Variants in PEBP4 observed in about 807,000 individuals in gnomAD.
The protein encoded by PEBP4 is phosphatidylethanolamine-binding protein 4.
PEBP4 carries 22 observed loss-of-function variants against 23.9 expected under a neutral mutation model. That is an observed-to-expected ratio of 0.92 (90% CI 0.66 to 1.31). The LOEUF (loss-of-function observed/expected upper bound fraction) is 1.31, where lower values mean the gene tolerates loss of function less well. PEBP4 is among the 40% of genes most tolerant of loss of function. PEBP4 has a pLI of 0.00. For missense variants in PEBP4, 324 were observed against 281.7 expected, an observed-to-expected ratio of 1.15 and a Z score of -1.07; for synonymous variants, 112 against 99.3, an observed-to-expected ratio of 1.13 and a Z score of -0.76.
chr8:22,843,110 G>A (rs780577675), intron 3 of PEBP4, among the ~76,000 whole-genome samples: 11 of 151,388 alleles, frequency 7.3e-5, no homozygotes, highest in Non-Finnish European at 1.3e-4. Context: ...TTACAGGTGC[G>A]TGCCACCATG....
At chr8:22,805,733 T>C (rs1585282714) in intron 4 of PEBP4, among the ~76,000 whole-genome samples, 2 of 152,224 alleles carry the variant, frequency 1.3e-5, no homozygotes, top group Non-Finnish European at 2.9e-5. Flanking sequence ...GGAAATACTG[T>C]GTACTCTGCT....
chr8:22,803,656 T>G (rs1469115677), intron 4 of PEBP4, among the ~76,000 whole-genome samples: 9 of 151,576 alleles, frequency 5.9e-5, no homozygotes, highest in African/African-American at 2.2e-4. Context: ...AGAGCAAGAC[T>G]CCAACTAAAA....
At chr8:22,891,448 C>A (rs1343045350) in intron 3 of PEBP4, among the ~76,000 whole-genome samples, 2 of 152,160 alleles carry the variant, frequency 1.3e-5, no homozygotes, top group Admixed American at 1.3e-4. Context: ...TTCATTTTGG[C>A]CTCTTGGGCT....
At chr8:22,724,594 C>T (rs1195803671) in intron 6 of PEBP4, among the ~76,000 whole-genome samples, 2 of 152,176 alleles carry the variant, frequency 1.3e-5, no homozygotes, top group Non-Finnish European at 2.9e-5. Context: ...CCCTGCCTTA[C>T]ATACCAACCC....
At chr8:22,814,970 T>G (rs1460770038) in intron 4 of PEBP4, 4 of 151,824 alleles carry the variant, frequency 2.6e-5, no homozygotes, top group Non-Finnish European at 5.9e-5. Flanking sequence ...GTGGAGTTGA[T>G]GGGAGAGATG....
chr8:22,860,395 C>G (rs1026972944), intron 3 of PEBP4, among the ~76,000 whole-genome samples: 26 of 152,044 alleles, frequency 1.7e-4, no homozygotes, highest in African/African-American at 5.8e-4. Flanking sequence ...TCTTCCCTCT[C>G]CCCCCAGCTC....
At chr8:22,925,304 G>T in intron 2 of PEBP4, 1 of 985,376 alleles carries the variant, frequency 1.0e-6, no homozygotes, top group Non-Finnish European at 1.2e-6. Context: ...CTGAGAATGG[G>T]CCCCCTTGAC....
intron 3 of PEBP4, among the ~76,000 whole-genome samples, chr8:22,872,483 G>C (rs1156390263): frequency 3.9e-5 from 6 of 152,342 alleles, no homozygotes; most frequent in African/African-American, 1.4e-4. Context: ...GACTTGCCAG[G>C]GCCATGTGTG....
intron 4 of PEBP4, among the ~76,000 whole-genome samples, chr8:22,764,314 A>G (rs1217205658): frequency 2.0e-5 from 3 of 152,140 alleles, no homozygotes; most frequent in African/African-American, 4.8e-5. Context: ...TTCTCTCCCA[A>G]TGCTGATCTC....
At chr8:22,755,129 G>A (rs1411591500) in intron 4 of PEBP4, among the ~76,000 whole-genome samples, 2 of 152,176 alleles carry the variant, frequency 1.3e-5, no homozygotes, top group Non-Finnish European at 2.9e-5. Flanking sequence ...TGCTATAACG[G>A]TGACTCTTCT....
intron 3 of PEBP4, among the ~76,000 whole-genome samples, chr8:22,827,692 A>G (rs1410625773): frequency 6.6e-6 from 1 of 152,242 alleles, no homozygotes; most frequent in Non-Finnish European, 1.5e-5. Context: ...GCTGCTGTGA[A>G]CATTTGCTGT....
At chr8:22,867,827 G>A (rs1400032048) in intron 3 of PEBP4, among the ~76,000 whole-genome samples, 1 of 152,224 alleles carries the variant, frequency 6.6e-6, no homozygotes, top group Non-Finnish European at 1.5e-5. Context: ...CTCGGCTCTT[G>A]CTTGGGCAGT....
At chr8:22,742,856 C>G (rs1324646363) in intron 4 of PEBP4, among the ~76,000 whole-genome samples, 4 of 152,198 alleles carry the variant, frequency 2.6e-5, no homozygotes, top group African/African-American at 4.8e-5. Flanking sequence ...CTGCTAGGTG[C>G]CAAGTGCGGT....
At chr8:22,780,473 C>T (rs566393843) in intron 4 of PEBP4, among the ~76,000 whole-genome samples, 2 of 152,214 alleles carry the variant, frequency 1.3e-5, no homozygotes, top group African/African-American at 4.8e-5. Context: ...AGAGAACCTC[C>T]CTGGGAAGCC....
intron 2 of PEBP4, among the ~76,000 whole-genome samples, chr8:22,923,071 T>G (rs1302213853): frequency 6.6e-6 from 1 of 152,226 alleles, no homozygotes; most frequent in South Asian, 2.1e-4. Flanking sequence ...TATCTCCAGA[T>G]GAGTAACTGA....
At chr8:22,815,580 G>A (rs1158903288) in intron 4 of PEBP4, among the ~76,000 whole-genome samples, 1 of 152,232 alleles carries the variant, frequency 6.6e-6, no homozygotes, top group Non-Finnish European at 1.5e-5. Flanking sequence ...AGTGGATATC[G>A]CTGCCGCTTC....
intron 6 of PEBP4, among the ~76,000 whole-genome samples, chr8:22,717,619 C>A (rs1009048986): frequency 6.6e-6 from 1 of 152,216 alleles, no homozygotes; most frequent in South Asian, 2.1e-4. Context: ...GCTGCGGCAG[C>A]CTCTTGTCCC....
intron 6 of PEBP4, among the ~76,000 whole-genome samples, chr8:22,717,774 C>G (rs1347010090): frequency 6.6e-6 from 1 of 152,200 alleles, no homozygotes; most frequent in African/African-American, 2.4e-5. Context: ...AAGGGCACCA[C>G]TGCTTCTTGT....
intron 4 of PEBP4, among the ~76,000 whole-genome samples, chr8:22,739,403 G>A (rs1305631570): frequency 1.1e-4 from 17 of 152,138 alleles, no homozygotes; most frequent in African/African-American, 3.6e-4. Context: ...GACTCTTATC[G>A]CTCCCCATCT....
Sources: allele counts gnomAD v4.1 joint callset (sites outside exome capture counted in the v4.1 genomes callset), GRCh38; gene constraint gnomAD v4.1.1; transcripts MANE v1.5; gene names NCBI Gene and HGNC (gene_info 2026-07-23, HGNC 2026-07-21).